The following GALNT18 variants were observed in gnomAD, a reference collection of about 807,000 sequenced individuals.
GALNT18 encodes polypeptide N-acetylgalactosaminyltransferase 18, also known as GalNAc-transferase 18.
In GALNT18, 44 loss-of-function variants were observed where a neutral mutation model predicts 69.5. The ratio of observed to expected loss-of-function variants is 0.63; its 90% CI spans 0.50 to 0.81. The LOEUF (loss-of-function observed/expected upper bound fraction) is 0.81, where lower values mean the gene tolerates loss of function less well. Among genes scored for constraint, GALNT18 ranks in the 40% least tolerant of loss-of-function variants. The pLI is 0.00. For synonymous variants in GALNT18, 364 were observed against 318.2 expected (o/e 1.14, Z -1.53); for missense variants, 715 against 810.0 (o/e 0.88, Z 1.42).
chr11:11,602,204 G>A lies in GALNT18; in HGVS notation c.235+19155C>T, dbSNP rs923279058. On this transcript the variant is annotated intron_variant, in intron 1 of 10. Transcript: ENST00000227756. This position sits in a 1 kb window ranked among gnomAD's most constrained non-coding sequence, Gnocchi z 4.7. Reference sequence around the variant, plus strand: ...CCCTGCTGTATGAGTAGGGTGCTGGGTGGAGATGGTAGTCACTGATCTTCT... The same window carrying A: ...CCCTGCTGTATGAGTAGGGTGCTGGATGGAGATGGTAGTCACTGATCTTCT... Among the ~76,000 whole-genome samples, 1 of 152,198 alleles carries A rather than the reference G, an allele frequency of 6.6e-6. No homozygotes were observed. Among genetic ancestry groups the A allele is most frequent in the Non-Finnish European group, 1.5e-5 (1 of 68,026 alleles).
intron 1 of GALNT18, among the ~76,000 whole-genome samples, chr11:11,458,394 T>C (rs1191676583): frequency 6.6e-6 from 1 of 152,254 alleles, no homozygotes; most frequent in Non-Finnish European, 1.5e-5. Context: ...TACAATTCAA[T>C]GATTTTTTTA....
intron 1 of GALNT18, among the ~76,000 whole-genome samples, chr11:11,485,394 C>T (rs1856622152): frequency 6.6e-6 from 1 of 152,136 alleles, no homozygotes; most frequent in Admixed American, 6.6e-5. Context: ...TCACAGAACT[C>T]AGGGAAACAC....
rs996493977 is a variant in GALNT18, at chr11:11,511,121, C to T, written c.236-62185G>A. On this transcript the variant is annotated intron_variant, in intron 1 of 10. Coordinates refer to ENST00000227756, the MANE Select transcript of GALNT18 (RefSeq NM_198516.3). The surrounding 1 kb of genome is among the most constrained non-coding windows in gnomAD (Gnocchi z 4.9). ...GGCTGCAGCTGAAGGCCTTCTCTCC[C>T]GGGGGTTGTAAAAACAGGCTGCCCC... Among the ~76,000 whole-genome samples, 30 of 152,098 alleles carry T rather than the reference C, an allele frequency of 2.0e-4. No individual in the cohort carries two copies. Among genetic ancestry groups the T allele is most frequent in the African/African-American group, 6.0e-4 (25 of 41,418 alleles).
chr11:11,490,748 C>T (rs1171515938), intron 1 of GALNT18, among the ~76,000 whole-genome samples: 1 of 152,160 alleles, frequency 6.6e-6, no homozygotes. Flanking sequence ...AAGGTCTGTC[C>T]TGGCAGATGT....
intron 9 of GALNT18, among the ~76,000 whole-genome samples, chr11:11,297,406 G>T (rs1849419919): frequency 6.6e-6 from 1 of 152,146 alleles, no homozygotes; most frequent in Admixed American, 6.5e-5. Flanking sequence ...GAGACCATAA[G>T]CAATGTTTCC....
chr11:11,326,464 C>A (rs911778433), intron 9 of GALNT18, among the ~76,000 whole-genome samples: 2 of 152,208 alleles, frequency 1.3e-5, no homozygotes, highest in African/African-American at 4.8e-5. Context: ...GTACTTTGTT[C>A]AACGAACCAT....
At chr11:11,471,748 A>G (rs1177332351) in intron 1 of GALNT18, among the ~76,000 whole-genome samples, 2 of 152,002 alleles carry the variant, frequency 1.3e-5, no homozygotes, top group East Asian at 3.9e-4. Flanking sequence ...CAAGAAAATA[A>G]GGTAGGCAGG....
At chr11:11,483,928 G>A (rs960382872) in intron 1 of GALNT18, among the ~76,000 whole-genome samples, 4 of 152,184 alleles carry the variant, frequency 2.6e-5, no homozygotes, top group Non-Finnish European at 5.9e-5. Context: ...TGAGCTGTGT[G>A]TGGGCAGATG....
At position 11,376,393 on chromosome 11, in the gene GALNT18, C is replaced by CAAA. The variant is rs1350775710; in HGVS notation, c.977+786_977+788dup. Among the ~76,000 whole-genome samples, 15 of 152,060 alleles carry CAAA rather than the reference C, an allele frequency of 9.9e-5. No homozygotes were observed. The East Asian group carries it at 2.9e-3, about 29-fold the overall frequency. ...TGAGACTCCGTCTCAAAAACAAAAA[C>CAAA]AAACACAGACAGAAATAAAAACTAG... On this transcript the variant is annotated intron_variant, in intron 5 of 10. Coordinates refer to ENST00000227756, the MANE Select transcript of GALNT18 (RefSeq NM_198516.3).
chr11:11,327,351 G>T (rs574438446), intron 8 of GALNT18, among the ~76,000 whole-genome samples, 170 bp from the exon 9 acceptor site: 6 of 152,204 alleles, frequency 3.9e-5, no homozygotes, highest in African/African-American at 7.2e-5. Flanking sequence ...CTTGCGTAAA[G>T]GTGCTGAGGG....
At chr11:11,609,936 A>G (rs1859854353) in intron 1 of GALNT18, among the ~76,000 whole-genome samples, 2 of 152,152 alleles carry the variant, frequency 1.3e-5, no homozygotes, top group South Asian at 4.1e-4. Context: ...GGACCCCCAA[A>G]ATAAAGCTGT....
chr11:11,379,627 A>G (rs1241916801), intron 3 of GALNT18, among the ~76,000 whole-genome samples: 1 of 152,188 alleles, frequency 6.6e-6, no homozygotes, highest in Non-Finnish European at 1.5e-5. Context: ...CCACTTTCAA[A>G]CCAGGCCTAG....
At chr11:11,378,954 C>T in intron 4 of GALNT18, 127 bp downstream of exon 4, 1 of 904,914 alleles carries the variant, frequency 1.1e-6, no homozygotes, top group Non-Finnish European at 1.6e-6. Flanking sequence ...ACACCTACAT[C>T]TCACCTATTC....
Position 11,586,716 on chromosome 11 carries a change from G to A in GALNT18, c.235+34643C>T, listed in dbSNP as rs1021448287. Among the ~76,000 whole-genome samples the A allele has an allele frequency of 4.3e-4, 66 of 152,310 alleles. No homozygotes were observed. The highest frequency in any genetic ancestry group is 1.5e-3 in the African/African-American group (61 of 41,574). On this transcript the variant is annotated intron_variant, in intron 1 of 10. Transcript: ENST00000227756. This position sits in a 1 kb window ranked among gnomAD's most constrained non-coding sequence, Gnocchi z 4.1. ...AGGCCGGGCTTGGTAGCTCATGCCT[G>A]TAATCACAGCCCTTTGGGACGCCGA...
intron 6 of GALNT18, among the ~76,000 whole-genome samples, chr11:11,357,049 T>C (rs895337772): frequency 6.6e-6 from 1 of 151,994 alleles, no homozygotes; most frequent in Non-Finnish European, 1.5e-5. Context: ...CTGGAGCCGC[T>C]GGGTATGGGG....
intron 9 of GALNT18, among the ~76,000 whole-genome samples, chr11:11,304,321 T>C (rs1015093877): frequency 6.6e-6 from 1 of 152,220 alleles, no homozygotes; most frequent in Non-Finnish European, 1.5e-5. Flanking sequence ...TTTTATTTGT[T>C]GTTGATAATG....
At position 11,372,484 on chromosome 11, in the gene GALNT18, C is replaced by T; in HGVS notation, c.1092+31G>A. On this transcript the variant is annotated intron_variant, in intron 6 of 10. Coordinates refer to ENST00000227756, the MANE Select transcript of GALNT18 (RefSeq NM_198516.3). This position sits in a 1 kb window ranked among gnomAD's most constrained non-coding sequence, Gnocchi z 4.9. ...CTCATTCACCCTGGTGGGAGCTGAG[C>T]CGAGCAGTTTGAGTGAGAAACCCCA... 6.4e-7 allele frequency: 1 copy of T among 1,562,884 alleles called. No homozygotes were observed. Among genetic ancestry groups the T allele is most frequent in the Non-Finnish European group, 8.8e-7 (1 of 1,133,336 alleles).
intron 2 of GALNT18, among the ~76,000 whole-genome samples, chr11:11,445,493 C>T (rs528581687): frequency 6.6e-5 from 10 of 152,316 alleles, no homozygotes; most frequent in African/African-American, 2.4e-4. Flanking sequence ...CAAGCAATGG[C>T]CTTGTTACAA....
Position 11,463,558 on chromosome 11 carries a change from G to A in GALNT18, c.236-14622C>T, listed in dbSNP as rs1442248987. The stretch of plus-strand genomic sequence containing the variant: ...AGGGCTGAGCGTGCCATCACTCCCA[G>A]CAGCTGTCGGCTCACTGGACGTCTT... On this transcript the variant is annotated intron_variant, in intron 1 of 10. Transcript: ENST00000227756. This position sits in a 1 kb window ranked among gnomAD's most constrained non-coding sequence, Gnocchi z 4.2. 6.6e-6 allele frequency among the ~76,000 whole-genome samples: 1 copy of A among 152,168 alleles called. No homozygotes were observed. Among genetic ancestry groups the A allele is most frequent in the Non-Finnish European group, 1.5e-5 (1 of 68,046 alleles).
Sources: allele counts gnomAD v4.1 joint callset (sites outside exome capture counted in the v4.1 genomes callset), GRCh38; gene constraint gnomAD v4.1.1; non-coding constraint Gnocchi (gnomAD v3.1); transcripts MANE v1.5; gene names NCBI Gene and HGNC (gene_info 2026-07-23, HGNC 2026-07-21).